XPR1: variants seen among roughly 807,000 people sequenced by gnomAD.
XPR1 encodes the protein xenotropic and polytropic retrovirus receptor 1, also known as solute carrier family 53 member 1.
A neutral mutation model predicts 87.5 loss-of-function variants in XPR1; 28 were observed. The observed-to-expected ratio is 0.32, with a 90% CI of 0.24 to 0.44. XPR1 has a LOEUF of 0.44. Among genes scored for constraint, XPR1 ranks in the 20% least tolerant of loss-of-function variants. The probability of loss-of-function intolerance (pLI) is 1.00; values close to 1 mark genes in which losing one functional copy is unlikely to be tolerated. For synonymous variants in XPR1, 300 were observed against 306.1 expected (o/e 0.98, Z 0.21); for missense variants, 559 against 862.3 (o/e 0.65, Z 4.41).
Position 180,792,937 on chromosome 1 carries a change from A to G in XPR1, c.223+5083A>G, listed in dbSNP as rs949081910. On this transcript the variant is annotated intron_variant, in intron 3 of 14. Transcript: ENST00000367590. ...AAGTCAGAATATATGTGTTGCTTCT[A>G]ATATTTCACAAAACAGTCAAGCCTT... Among the ~76,000 whole-genome samples the G allele has an allele frequency of 2.6e-5, 4 of 152,242 alleles. No homozygotes were observed. In the South Asian group the frequency reaches 8.3e-4, roughly 32 times the overall value.
At chr1:180,872,780 C>T (rs919562855) in intron 12 of XPR1, among the ~76,000 whole-genome samples, 1 of 151,454 alleles carries the variant, frequency 6.6e-6, no homozygotes, top group Non-Finnish European at 1.5e-5. Context: ...CCGTCTTCTG[C>T]GTCGCTCACG....
intron 3 of XPR1, among the ~76,000 whole-genome samples, chr1:180,790,879 A>G (rs974315093): frequency 6.6e-6 from 1 of 152,134 alleles, no homozygotes; most frequent in Non-Finnish European, 1.5e-5. Flanking sequence ...AAACAGGTAG[A>G]TTTTCTGTAT....
At position 180,889,940 on chromosome 1, in the gene XPR1, T is replaced by C. The variant is rs1199442823; in HGVS notation, c.*5874T>C. ...CCCTCTTTTTTCTCCCTCACTCTCTTTCTCAGTCTCCACTCTGGTAAATGG... is the reference window on the plus strand; with the variant it reads ...CCCTCTTTTTTCTCCCTCACTCTCTCTCTCAGTCTCCACTCTGGTAAATGG... On this transcript the variant is annotated 3_prime_UTR_variant, in exon 15 of 15. Coordinates refer to ENST00000367590, the MANE Select transcript of XPR1 (RefSeq NM_004736.4). 6.6e-6 allele frequency: 1 copy of C among 152,188 alleles called. No homozygotes were observed. Among genetic ancestry groups the C allele is most frequent in the African/African-American group, 2.4e-5 (1 of 41,442 alleles). 9.4% of individuals were successfully genotyped at this position (152,188 alleles called of 1,614,324 possible).
intron 13 of XPR1, among the ~76,000 whole-genome samples, chr1:180,875,900 C>G (rs1652645964): frequency 6.6e-6 from 1 of 151,978 alleles, no homozygotes; most frequent in Non-Finnish European, 1.5e-5. Context: ...AAGAGTAAGA[C>G]TATCTTATGA....
rs149379460 is a variant in XPR1, at chr1:180,889,219, A to G, written c.*5153A>G. On this transcript the variant is annotated 3_prime_UTR_variant, in exon 15 of 15. Coordinates refer to ENST00000367590, the MANE Select transcript of XPR1 (RefSeq NM_004736.4). ...TTTATTTTATCGTCAAATCAAAGCC[A>G]CCCTCAGTTTTTTGTATGGTGCCAT... 1 of 152,280 alleles carries G rather than the reference A, an allele frequency of 6.6e-6. No individual in the cohort carries two copies. Among genetic ancestry groups the G allele is most frequent in the East Asian group, 1.9e-4 (1 of 5,188 alleles). 9.4% of individuals were successfully genotyped at this position (152,280 alleles called of 1,614,324 possible). A position where few individuals can be genotyped will look rare whatever the true frequency, so the allele number is the denominator to read the frequency against.
At chr1:180,850,048 T>A (rs1029598064) in intron 11 of XPR1, among the ~76,000 whole-genome samples, 1 of 152,200 alleles carries the variant, frequency 6.6e-6, no homozygotes, top group African/African-American at 2.4e-5. Flanking sequence ...GATACTGCAG[T>A]TGGTGAAGTA....
chr1:180,814,716 A>G (rs1167073427), intron 7 of XPR1, among the ~76,000 whole-genome samples: 1 of 152,244 alleles, frequency 6.6e-6, no homozygotes, highest in Non-Finnish European at 1.5e-5. Flanking sequence ...TTAAAGCAAT[A>G]TACTGCAAGA....
intron 2 of XPR1, among the ~76,000 whole-genome samples, chr1:180,752,334 T>A (rs190123355): frequency 2.9e-4 from 44 of 152,314 alleles, no homozygotes; most frequent in Non-Finnish European, 7.4e-5. Context: ...ATTAGTTGAT[T>A]CTCTGGTATA....
chr1:180,762,385 AT>A (rs1431887541), intron 2 of XPR1, among the ~76,000 whole-genome samples: 1 of 152,234 alleles, frequency 6.6e-6, no homozygotes, highest in African/African-American at 2.4e-5. Flanking sequence ...GGTGAACGTT[AT>A]GAACAGAAGT....
At chr1:180,806,278 C>T in intron 5 of XPR1, 67 bp downstream of exon 5, 1 of 1,574,242 alleles carries the variant, frequency 6.4e-7, no homozygotes, top group South Asian at 1.2e-5. Flanking sequence ...GAAGCAATTC[C>T]TTATTTCTGT....
At chr1:180,798,188 T>A (rs1045217949) in intron 3 of XPR1, among the ~76,000 whole-genome samples, 11 of 152,070 alleles carry the variant, frequency 7.2e-5, no homozygotes, top group Middle Eastern at 3.4e-3. Context: ...TGATTAAAAA[T>A]GTAAAGGAGA....
chr1:180,799,252 G>A (rs575294920), intron 3 of XPR1, among the ~76,000 whole-genome samples: 17 of 152,232 alleles, frequency 1.1e-4, no homozygotes, highest in African/African-American at 3.9e-4. Flanking sequence ...TATGTGAGTG[G>A]ATTATTACTT....
intron 2 of XPR1, among the ~76,000 whole-genome samples, chr1:180,769,286 A>G (rs1480859587): frequency 1.3e-5 from 2 of 152,098 alleles, no homozygotes; most frequent in African/African-American, 4.8e-5. Flanking sequence ...AGTTATTTTT[A>G]AATGTACCAT....
At chr1:180,642,881 A>G (rs1460917082) in intron 1 of XPR1, among the ~76,000 whole-genome samples, 1 of 152,160 alleles carries the variant, frequency 6.6e-6, no homozygotes, top group East Asian at 1.9e-4. Flanking sequence ...GTATGATGTT[A>G]ACACATAGTG....
At chr1:180,649,095 G>A (rs536752988) in intron 1 of XPR1, among the ~76,000 whole-genome samples, 64 of 152,164 alleles carry the variant, frequency 4.2e-4, no homozygotes, top group African/African-American at 1.5e-3. Flanking sequence ...GCATTTTCTA[G>A]TGCAAGCTAA....
intron 3 of XPR1, among the ~76,000 whole-genome samples, chr1:180,798,530 C>G (rs150097282): frequency 9.7e-4 from 147 of 152,310 alleles, no homozygotes; most frequent in African/African-American, 3.0e-3. Context: ...AGAACCCCAA[C>G]TGGTTATTAG....
Position 180,748,400 on chromosome 1 carries a change from C to CTTTTTTTTTTTTTTTTTTTTTTTTTTT in XPR1, c.122-39344_122-39318dup, listed in dbSNP as rs71297873. ...TGCTACTCTGTGTTATTATTTATGT[C>CTTTTTTTTTTTTTTTTTTTTTTTTTTT]TTTTTTTTTTTTTTTTTTTTTTTTT... is the stretch of plus-strand genomic sequence containing the variant. On this transcript the variant is annotated intron_variant, in intron 2 of 14. Transcript: ENST00000367590. Among the ~76,000 whole-genome samples, 19 of 29,678 alleles carry CTTTTTTTTTTTTTTTTTTTTTTTTTTT rather than the reference C, an allele frequency of 6.4e-4. 6 individuals carry two copies. In the East Asian group the frequency reaches 9.5e-3, roughly 15 times the overall value. 19.5% of individuals were successfully genotyped at this position (29,678 alleles called of 152,430 possible).
intron 5 of XPR1, 43 bp downstream of exon 5, chr1:180,806,254 G>A (rs767308494): frequency 3.8e-5 from 60 of 1,590,546 alleles, no homozygotes; most frequent in Middle Eastern, 1.7e-4. Flanking sequence ...TCAGTTACAC[G>A]TTTTATATTT....
intron 3 of XPR1, among the ~76,000 whole-genome samples, chr1:180,798,950 G>C (rs563366340): frequency 1.3e-5 from 2 of 152,262 alleles, no homozygotes; most frequent in Admixed American, 6.5e-5. Flanking sequence ...TATTGGTCAT[G>C]GAAGTAATGG....
Sources: gnomAD v4.1 joint callset for allele counts (sites outside exome capture counted in the v4.1 genomes callset) on GRCh38, gnomAD v4.1.1 for gene constraint, MANE v1.5 for transcripts, NCBI Gene and HGNC (gene_info 2026-07-23, HGNC 2026-07-21) for gene names.